The following FBN1 variants were observed in gnomAD, a reference collection of about 807,000 sequenced individuals.
The protein encoded by FBN1 is fibrillin-1.
In FBN1, 29 loss-of-function variants were observed where a neutral mutation model predicts 365.1. That is an observed-to-expected ratio of 0.08 (90% CI 0.06 to 0.11). The LOEUF (loss-of-function observed/expected upper bound fraction) is 0.11. Ranked by LOEUF, FBN1 falls within the 10% of genes least tolerant of loss-of-function variation. The pLI, the probability that FBN1 is intolerant of heterozygous loss-of-function variation, is 1.00. For missense variants in FBN1, 2,476 were observed against 3,703.2 expected (o/e 0.67, Z 8.60); for synonymous variants, 1,210 against 1,270.5 (o/e 0.95, Z 1.01).
chr15:48,569,821 G>A (rs542537011), intron 6 of FBN1, among the ~76,000 whole-genome samples: 2 of 152,222 alleles, frequency 1.3e-5, no homozygotes, highest in African/African-American at 4.8e-5. Flanking sequence ...GCCAACAGGT[G>A]TAAGAAATCT....
In FBN1 at chr15:48,510,124, C is replaced by A. The variant is rs193922179; in HGVS notation, c.1634G>T (p.Arg545Leu). 1 of 1,613,184 alleles carries A rather than the reference C, an allele frequency of 6.2e-7. No homozygotes were observed. Among genetic ancestry groups the A allele is most frequent in the Admixed American group, 1.7e-5 (1 of 59,964 alleles). Reference sequence around the variant, plus strand: ...AAAACTGCCATCTGTGTTGATGCAGCGTCCATTATTGCAGATCCGGCCATT... The same window carrying A: ...AAAACTGCCATCTGTGTTGATGCAGAGTCCATTATTGCAGATCCGGCCATT... ...LQNGRICNNG[R>L]CINTDGSFHC... The change falls in exon 14 of 66, where the codon CGC (arginine) becomes CTC (leucine). Residue 545 changes from arginine to leucine, a missense_variant. Physicochemically the swap from Arg to Leu is moderately radical, Grantham distance 102. Around this residue, in one of 5 missense-constraint regions of FBN1, gnomAD observed 1,780 missense variants for 2,840.8 expected, o/e 0.63. Transcript: ENST00000316623.
chr15:48,606,017 A>C (rs926255544), intron 4 of FBN1, among the ~76,000 whole-genome samples: 1 of 152,230 alleles, frequency 6.6e-6, no homozygotes, highest in Non-Finnish European at 1.5e-5. Context: ...TTGAAACCAC[A>C]GTAAGAGATG....
rs112269822 is a variant in FBN1, at chr15:48,510,118, A to G, written c.1640T>C (p.Ile547Thr). The G allele has an allele frequency of 1.2e-5, 20 of 1,613,496 alleles. No individual in the cohort carries two copies. Among genetic ancestry groups the G allele is most frequent in the Non-Finnish European group, 1.6e-5 (19 of 1,179,574 alleles). The change falls in exon 14 of 66, where the codon ATC (isoleucine) becomes ACC (threonine). Residue 547 changes from isoleucine to threonine, a missense_variant. Ile to Thr is a moderately conservative substitution (Grantham distance 89). Transcript: ENST00000316623. ...GCAATGAAAACTGCCATCTGTGTTG[A>G]TGCAGCGTCCATTATTGCAGATCCG... ...NGRICNNGRC[I>T]NTDGSFHCVC...
chr15:48,496,058 A>G (rs2043605678), intron 20 of FBN1, 42 bp downstream of exon 20: 1 of 1,612,710 alleles, frequency 6.2e-7, no homozygotes, highest in Non-Finnish European at 8.5e-7. Context: ...GCATTCCAAA[A>G]GATAGCAAAG....
intron 6 of FBN1, among the ~76,000 whole-genome samples, chr15:48,550,667 T>G (rs2044134048): frequency 1.3e-5 from 2 of 152,106 alleles, no homozygotes; most frequent in South Asian, 4.1e-4. Flanking sequence ...GAACTGCAGT[T>G]CCTCAACTCA....
At position 48,487,142 on chromosome 15, in the gene FBN1, G is replaced by A. The variant is rs778312047; in HGVS notation, c.3522C>T (p.Leu1174=). The change falls in exon 29 of 66, where the codon CTC becomes CTT. Residue 1174 remains leucine (L), a synonymous_variant. Coordinates refer to ENST00000316623, the MANE Select transcript of FBN1 (RefSeq NM_000138.5). The stretch of plus-strand genomic sequence containing the variant: ...TGCAGGCACACTGATACTTCCCTAT[G>A]AGGTTCACGCAACGGCCATTGGGGC... ...HLCPNGRCVN[L]IGKYQCACNP... is the part of the protein sequence containing the mutation. 1.1e-5 allele frequency: 17 copies of A among 1,614,056 alleles called. No homozygotes were observed. The Admixed American group carries it at 2.8e-4, about 27-fold the overall frequency.
chr15:48,552,863 C>A (rs1216626581), intron 6 of FBN1, among the ~76,000 whole-genome samples: 1 of 152,110 alleles, frequency 6.6e-6, no homozygotes, highest in Non-Finnish European at 1.5e-5. Flanking sequence ...AAGTGCATAA[C>A]CAAATTTTAC....
At chr15:48,426,416 AGG>A in intron 58 of FBN1, among the ~76,000 whole-genome samples, 1 of 152,138 alleles carries the variant, frequency 6.6e-6, no homozygotes, top group East Asian at 1.9e-4. Context: ...TCCTCTGGTG[AGG>A]GGGGAAACTA....
chr15:48,472,673 A>C lies in FBN1; in HGVS notation c.4214T>G (p.Leu1405Arg), dbSNP rs767606368. 1.3e-4 allele frequency: 212 copies of C among 1,614,024 alleles called. No homozygotes were observed. The highest frequency in any genetic ancestry group is 1.7e-4 in the Non-Finnish European group (204 of 1,180,012). The change falls in exon 35 of 66, where the codon CTT (leucine) becomes CGT (arginine). Residue 1405 changes from leucine to arginine, a missense_variant. Transcript: ENST00000316623. ...YTGDGFTCTD[L>R]DECSENLNLC... ...ATTCAGGTTCTCAGAGCACTCATCA[A>C]GGTCTACAGCCAGAAAGAAACACAC...
intron 38 of FBN1, 111 bp from the exon 39 acceptor site, chr15:48,465,969 CT>C: frequency 1.3e-6 from 1 of 786,776 alleles, no homozygotes; most frequent in Non-Finnish European, 2.2e-6. Flanking sequence ...TTTCAGGAAT[CT>C]TTAGTTGTTA....
At chr15:48,474,686 G>A (rs774871542) in intron 32 of FBN1, 36 bp from the exon 33 acceptor site, 1 of 1,613,702 alleles carries the variant, frequency 6.2e-7, no homozygotes, top group Non-Finnish European at 8.5e-7. Context: ...AAAAGGCTCA[G>A]CACAAATGTC....
In FBN1 at chr15:48,526,256, C is replaced by T. The variant is rs2043913660; in HGVS notation, c.863-1G>A. On this transcript the variant is annotated splice_acceptor_variant, in intron 8 of 65. Coordinates refer to ENST00000316623, the MANE Select transcript of FBN1 (RefSeq NM_000138.5). LOFTEE classifies it high-confidence loss of function. ...GGAATGGTGCTGCATTCATCAATAT[C>T]TGGAATATAAAAAAAAGAATCTCAG... 1.2e-6 allele frequency: 2 copies of T among 1,613,806 alleles called. No individual in the cohort carries two copies. The highest frequency in any genetic ancestry group is 2.2e-5 in the East Asian group (1 of 44,874).
At chr15:48,644,041 T>C (rs1199114189) in intron 2 of FBN1, 3 of 155,038 alleles carry the variant, frequency 1.9e-5, no homozygotes, top group Non-Finnish European at 2.9e-5. Context: ...AAAAAACCAG[T>C]TCTCAGAACC....
Position 48,510,101 on chromosome 15 carries a change from A to T in FBN1, c.1657T>A (p.Phe553Ile), listed in dbSNP as rs2043746162. Reference sequence around the variant, plus strand: ...AAGCCCGCATTACACACGCAATGAAAACTGCCATCTGTGTTGATGCAGCGT... The same window carrying T: ...AAGCCCGCATTACACACGCAATGAATACTGCCATCTGTGTTGATGCAGCGT... The part of the protein sequence containing the change: ...NGRCINTDGS[F>I]HCVCNAGFHV... The change falls in exon 14 of 66, where the codon TTT becomes ATT. Residue 553 changes from phenylalanine (F) to isoleucine (I), a missense_variant. This residue lies in a region of FBN1 where 1,780 missense variants were observed against 2,840.8 expected (regional missense o/e 0.63). Coordinates refer to ENST00000316623, the MANE Select transcript of FBN1 (RefSeq NM_000138.5). 1 of 1,613,530 alleles carries T rather than the reference A, an allele frequency of 6.2e-7. No homozygotes were observed. Among genetic ancestry groups the T allele is most frequent in the Non-Finnish European group, 8.5e-7 (1 of 1,179,632 alleles).
chr15:48,538,896 A>G (rs769222092), intron 6 of FBN1, among the ~76,000 whole-genome samples: 1 of 152,236 alleles, frequency 6.6e-6, no homozygotes, highest in Non-Finnish European at 1.5e-5. Context: ...TGAACGCAAC[A>G]GTTTTATGAA....
chr15:48,495,721 A>C (rs1383862471), intron 20 of FBN1, 133 bp from the exon 21 acceptor site: 10 of 1,128,014 alleles, frequency 8.9e-6, no homozygotes, highest in Non-Finnish European at 1.2e-5. Flanking sequence ...AGTTTTTCCT[A>C]CACTAGATGG....
At chr15:48,414,835 G>A (rs2042889317) in intron 64 of FBN1, among the ~76,000 whole-genome samples, 2 of 149,382 alleles carry the variant, frequency 1.3e-5, no homozygotes, top group South Asian at 4.2e-4. Context: ...GGCAGAGCTT[G>A]CAGTGAGCTG....
chr15:48,596,437 C>T (rs2044516746), intron 5 of FBN1, 59 bp from the exon 6 acceptor site: 5 of 1,476,730 alleles, frequency 3.4e-6, no homozygotes, highest in African/African-American at 1.4e-5. Context: ...AATGAAGTAA[C>T]ACTTGTGGTC....
At chr15:48,487,871 G>T (rs2043522292) in intron 27 of FBN1, among the ~76,000 whole-genome samples, 1 of 152,106 alleles carries the variant, frequency 6.6e-6, no homozygotes, top group African/African-American at 2.4e-5. Flanking sequence ...TTCCGCCTGG[G>T]TATCCATTTC....
Sources: allele counts gnomAD v4.1 joint callset (sites outside exome capture counted in the v4.1 genomes callset), GRCh38; gene constraint gnomAD v4.1.1; regional missense constraint gnomAD v4.1.1; transcripts MANE v1.5; gene names NCBI Gene and HGNC (gene_info 2026-07-23, HGNC 2026-07-21).